The following PKD1L3 variants were observed in gnomAD, a reference collection of about 807,000 sequenced individuals.
The protein encoded by PKD1L3 is polycystin 1 like 3, transient receptor potential channel interacting.
Under a neutral mutation model 184.1 loss-of-function variants are expected in PKD1L3, and 239 were observed. The observed-to-expected ratio is 1.30, with a 90% CI of 1.17 to 1.45. The LOEUF (loss-of-function observed/expected upper bound fraction) is 1.45, where lower values mean the gene tolerates loss of function less well. Among genes scored for constraint, PKD1L3 ranks in the 40% most tolerant of loss-of-function variants. The pLI, the probability that PKD1L3 is intolerant of heterozygous loss-of-function variation, is 0.00. For missense variants in PKD1L3, 2,660 were observed against 2,067.2 expected, an observed-to-expected ratio of 1.29 and a Z score of -5.56; for synonymous variants, 996 against 778.8, an observed-to-expected ratio of 1.28 and a Z score of -4.64.
rs1032751476 is a variant in PKD1L3, at chr16:71,973,369, G to T, written c.1908C>A (p.Tyr636Ter). ...VSVITAVTQCYYWEIHNQTWS... is the reference protein window; with the variant it reads ...VSVITAVTQC ...ATGTCTGGTTGTGGATCTCCCAGTAGTAACACTGAGTGACGGCGGTGATGA... is the reference window on the plus strand; with the variant it reads ...ATGTCTGGTTGTGGATCTCCCAGTATTAACACTGAGTGACGGCGGTGATGA... The change falls in exon 12 of 30, where the codon TAC becomes TAA. Residue 636 changes from tyrosine to a stop codon, truncating the protein, a stop_gained. Coordinates refer to ENST00000620267, the MANE Select transcript of PKD1L3 (RefSeq NM_181536.2). LOFTEE classifies it high-confidence loss of function. 6.4e-7 allele frequency: 1 copy of T among 1,551,712 alleles called. No individual in the cohort carries two copies. The highest frequency in any genetic ancestry group is 8.7e-7 in the Non-Finnish European group (1 of 1,147,016).
chr16:71,949,138 T>C (rs925083055), intron 21 of PKD1L3, among the ~76,000 whole-genome samples: 5 of 152,124 alleles, frequency 3.3e-5, no homozygotes, highest in Non-Finnish European at 5.9e-5. Context: ...GAATGCATTG[T>C]ACTAGTCTCT....
At chr16:71,984,229 G>C (rs185519248) in intron 5 of PKD1L3, 62 bp from the exon 6 acceptor site, 35 of 1,486,062 alleles carry the variant, frequency 2.4e-5, no homozygotes, top group Non-Finnish European at 3.2e-5. Flanking sequence ...GTAGTAGTCA[G>C]GGAGATTATT....
In PKD1L3 at chr16:71,970,095, T is replaced by C. The variant is rs187128474; in HGVS notation, c.1964A>G (p.Gln655Arg). The C allele has an allele frequency of 6.4e-7, 1 of 1,551,534 alleles. No individual in the cohort carries two copies. The highest frequency in any genetic ancestry group is 1.4e-5 in the African/African-American group (1 of 73,184). ...ACACTGTGTCCTCAGAATTGTGCTC[T>C]GTGGCCCAACCTGGAATTAGAATCA... The part of the protein sequence containing the change: ...WSSAGCQVGP[Q>R]STILRTQCLC... Residue 655 changes from glutamine to arginine, a missense_variant, in exon 13 of 30, where the codon CAG becomes CGG. Gln to Arg is a conservative substitution (Grantham distance 43). Transcript: ENST00000620267.
intron 28 of PKD1L3, among the ~76,000 whole-genome samples, chr16:71,931,652 C>A (rs146734478): frequency 6.6e-6 from 1 of 151,534 alleles, no homozygotes; most frequent in African/African-American, 2.4e-5. Flanking sequence ...TTAGTAGAGA[C>A]GGGATTTTAC....
At chr16:71,967,552 C>T (rs1567524100) in intron 14 of PKD1L3, among the ~76,000 whole-genome samples, 2 of 152,142 alleles carry the variant, frequency 1.3e-5, no homozygotes, top group African/African-American at 2.4e-5. Flanking sequence ...GCAACCTCTG[C>T]CTCCCAAGTT....
At chr16:71,988,219 G>C (rs1234446791) in intron 4 of PKD1L3, among the ~76,000 whole-genome samples, 1 of 151,840 alleles carries the variant, frequency 6.6e-6, no homozygotes, top group African/African-American at 2.4e-5. Context: ...TTTTGAAATC[G>C]TGTCTCCTTC....
intron 11 of PKD1L3, among the ~76,000 whole-genome samples, chr16:71,974,214 G>A (rs528424983): frequency 4.5e-4 from 68 of 152,306 alleles, no homozygotes; most frequent in Middle Eastern, 3.4e-3. Context: ...GCTAGGGACC[G>A]GAGGTCGGGC....
intron 5 of PKD1L3, among the ~76,000 whole-genome samples, chr16:71,985,029 T>C (rs989830202): frequency 6.6e-6 from 1 of 152,136 alleles, no homozygotes; most frequent in Non-Finnish European, 1.5e-5. Context: ...CAATCACCAT[T>C]AATGCCAACT....
intron 13 of PKD1L3, among the ~76,000 whole-genome samples, chr16:71,969,469 CTCT>C (rs2039627709): frequency 1.7e-5 from 2 of 116,304 alleles, no homozygotes; most frequent in Admixed American, 8.7e-5. Flanking sequence ...CCATGCCAGG[CTCT>C]TTTTTTTTTT....
intron 2 of PKD1L3, among the ~76,000 whole-genome samples, chr16:71,995,370 G>A (rs1277359886): frequency 1.3e-5 from 2 of 152,160 alleles, no homozygotes; most frequent in African/African-American, 4.8e-5. Context: ...CATTTAAAGA[G>A]TTCCAATGCC....
At position 71,979,987 on chromosome 16, in the gene PKD1L3, C is replaced by T. The variant is rs571919520; in HGVS notation, c.1271+20G>A. 7.7e-6 allele frequency: 12 copies of T among 1,551,128 alleles called. No individual in the cohort carries two copies. The highest frequency in any genetic ancestry group is 4.9e-5 in the East Asian group (2 of 40,918). ...GTGAAAAACACAGTGAAACTCTCCC[C>T]GTTCCTTCTTCCCATTAACCTGCTC... On this transcript the variant is annotated intron_variant, in intron 8 of 29. Transcript: ENST00000620267.
chr16:71,997,774 A>G (rs1009466870), intron 2 of PKD1L3, among the ~76,000 whole-genome samples: 2 of 151,676 alleles, frequency 1.3e-5, no homozygotes, highest in African/African-American at 4.8e-5. Context: ...TAAATAAATA[A>G]ATAAATAAAT....
chr16:71,982,384 C>T (rs2040197593), intron 6 of PKD1L3, 149 bp from the exon 7 acceptor site: 1 of 609,758 alleles, frequency 1.6e-6, no homozygotes. Flanking sequence ...CTCCCGGGTT[C>T]AAGCAATTCT....
At chr16:71,986,986 A>G (rs561636322) in intron 4 of PKD1L3, among the ~76,000 whole-genome samples, 6 of 125,172 alleles carry the variant, frequency 4.8e-5, no homozygotes, top group Non-Finnish European at 6.2e-5. Context: ...GTGCAGTGGC[A>G]CGATCTCGGC....
chr16:71,974,887 G>A (rs1209692970), intron 11 of PKD1L3, among the ~76,000 whole-genome samples: 1 of 151,418 alleles, frequency 6.6e-6, no homozygotes, highest in Non-Finnish European at 1.5e-5. Flanking sequence ...AGTATGGAAG[G>A]TGGTCATGAC....
At chr16:71,935,152 G>T (rs1283159857) in intron 26 of PKD1L3, among the ~76,000 whole-genome samples, 1 of 152,192 alleles carries the variant, frequency 6.6e-6, no homozygotes, top group Non-Finnish European at 1.5e-5. Flanking sequence ...CACTAATGAA[G>T]GCAGAAGAGC....
intron 22 of PKD1L3, among the ~76,000 whole-genome samples, chr16:71,944,793 G>A (rs970557866): frequency 6.9e-6 from 1 of 143,980 alleles, no homozygotes; most frequent in Non-Finnish European, 1.5e-5. Context: ...CCACCTCCCA[G>A]ATTCAAGCGA....
chr16:71,958,062 C>G (rs11647947), intron 16 of PKD1L3, among the ~76,000 whole-genome samples: 68,526 of 151,980 alleles, frequency 0.45, 16,029 homozygotes, highest in Middle Eastern at 0.57. Flanking sequence ...TTTCTATCCA[C>G]TTAAATAGCT....
chr16:71,987,374 C>T (rs1356362648), intron 4 of PKD1L3, among the ~76,000 whole-genome samples: 1 of 151,864 alleles, frequency 6.6e-6, no homozygotes, highest in African/African-American at 2.4e-5. Flanking sequence ...GCACACACCA[C>T]CATGCCTGGC....
Sources: gnomAD v4.1 joint callset for allele counts (sites outside exome capture counted in the v4.1 genomes callset) on GRCh38, gnomAD v4.1.1 for gene constraint, MANE v1.5 for transcripts, NCBI Gene and HGNC (gene_info 2026-07-23, HGNC 2026-07-21) for gene names.